Variants in TLL2 observed in about 807,000 individuals in gnomAD.
TLL2 encodes the protein tolloid-like protein 2.
A neutral mutation model predicts 123.0 loss-of-function variants in TLL2; 106 were observed. The observed-to-expected ratio is 0.86, with a 90% CI of 0.74 to 1.01. The LOEUF (loss-of-function observed/expected upper bound fraction) is 1.01. Among genes scored for constraint, TLL2 ranks in the 50% least tolerant of loss-of-function variants. The probability of loss-of-function intolerance (pLI) is 0.00; values close to 1 mark genes in which losing one functional copy is unlikely to be tolerated. For synonymous variants in TLL2, 494 were observed against 516.8 expected, an observed-to-expected ratio of 0.96 and a Z score of 0.60; for missense variants, 1,332 against 1,336.7, an observed-to-expected ratio of 1.00 and a Z score of 0.06.
chr10:96,428,787 T>A, intron 4 of TLL2, 39 bp from the exon 5 acceptor site: 1 of 1,333,308 alleles, frequency 7.5e-7, no homozygotes. Flanking sequence ...CAATGATGGG[T>A]CCATATTTTC....
chr10:96,433,390 G>A (rs954701992), intron 3 of TLL2, among the ~76,000 whole-genome samples: 2 of 152,144 alleles, frequency 1.3e-5, no homozygotes, highest in Non-Finnish European at 2.9e-5. Context: ...ACAACAAGGA[G>A]AGTGAACCTG....
chr10:96,443,638 C>T (rs576320010), intron 3 of TLL2, among the ~76,000 whole-genome samples: 95 of 152,272 alleles, frequency 6.2e-4, no homozygotes, highest in Non-Finnish European at 1.2e-3. Context: ...GGTCTTTATG[C>T]AACAATAAAT....
In TLL2 at chr10:96,373,644, A is replaced by C. The variant is rs747025457; in HGVS notation, c.2614T>G (p.Ser872Ala). The change falls in exon 19 of 21, where the codon TCG becomes GCG. Residue 872 changes from serine to alanine, a missense_variant. By Grantham distance (99) the Ser-to-Ala change is moderately conservative. Transcript: ENST00000357947. ...CCTTTCCTCTGCACTGAGGCATCCG[A>C]ATAAAACCTGAGAAACATACTGCTG... ...SGSSMFLRFY[S>A]DASVQRKGFQ... is the part of the protein sequence containing the mutation. 1.9e-6 allele frequency: 3 copies of C among 1,614,214 alleles called. No homozygotes were observed. In the South Asian group the frequency reaches 3.3e-5, roughly 18 times the overall value.
intron 2 of TLL2, among the ~76,000 whole-genome samples, chr10:96,454,558 A>G (rs1356253279): frequency 1.3e-5 from 2 of 152,172 alleles, no homozygotes; most frequent in Admixed American, 6.5e-5. Flanking sequence ...TTCACCTGGC[A>G]TCAAACCTCC....
intron 15 of TLL2, among the ~76,000 whole-genome samples, chr10:96,385,010 T>G (rs1846220513): frequency 6.6e-6 from 1 of 152,222 alleles, no homozygotes; most frequent in Non-Finnish European, 1.5e-5. Flanking sequence ...CTCCCAAACC[T>G]GCATCCCCGT....
rs764540784 is a variant in TLL2, at chr10:96,368,203, G to A, written c.2933C>T (p.Ser978Phe). Residue 978 changes from serine (S) to phenylalanine (F), a missense_variant, in exon 21 of 21, where the codon TCT becomes TTT. Coordinates refer to ENST00000357947, the MANE Select transcript of TLL2 (RefSeq NM_012465.4). ...TCGAATCATCAGGGAATCACCTGCA[G>A]AGTAGATTTCTTCTAATGGCTGAGG... The part of the protein sequence containing the change: ...CGSGPLEEIY[S>F]AGDSLMIRFR... 9.3e-6 allele frequency: 15 copies of A among 1,614,024 alleles called. No homozygotes were observed. Among genetic ancestry groups the A allele is most frequent in the Non-Finnish European group, 1.1e-5 (13 of 1,180,042 alleles).
chr10:96,476,240 A>ATATATATATATATATATATATATAT, intron 2 of TLL2, among the ~76,000 whole-genome samples: 3 of 20,498 alleles, frequency 1.5e-4, no homozygotes, highest in Admixed American at 5.2e-4. Flanking sequence ...ATATATATAT[A>ATATATATATATATATATATATATAT]TTTTATTTTT....
At chr10:96,381,148 C>T (rs948048881) in intron 16 of TLL2, among the ~76,000 whole-genome samples, 11 of 152,184 alleles carry the variant, frequency 7.2e-5, no homozygotes, top group African/African-American at 2.7e-4. Context: ...GTGGAGCTGC[C>T]CTGCCTGTGA....
At chr10:96,403,250 C>T (rs991538499) in intron 10 of TLL2, among the ~76,000 whole-genome samples, 1 of 152,182 alleles carries the variant, frequency 6.6e-6, no homozygotes, top group South Asian at 2.1e-4. Context: ...CTAACCTCCC[C>T]TGTCATCCAC....
Position 96,420,975 on chromosome 10 carries a change from C to T in TLL2, c.904G>A (p.Ala302Thr), listed in dbSNP as rs1402810225. The T allele has an allele frequency of 9.9e-6, 16 of 1,613,820 alleles. No individual in the cohort carries two copies. Among genetic ancestry groups the T allele is most frequent in the Non-Finnish European group, 1.2e-5 (14 of 1,179,944 alleles). ...TCCGACCTTGAGAAGGTGTTCCGGG[C>T]GTAGTGCATGATGCTGTCAAAGTCG... ...TYDFDSIMHY[A>T]RNTFSRGVFL... is the part of the protein sequence containing the mutation. The change falls in exon 7 of 21, where the codon GCC becomes ACC. Residue 302 changes from alanine to threonine, a missense_variant. Transcript: ENST00000357947.
intron 11 of TLL2, among the ~76,000 whole-genome samples, chr10:96,396,632 C>T (rs1564898243): frequency 6.9e-6 from 1 of 145,638 alleles, no homozygotes; most frequent in African/African-American, 2.6e-5. Flanking sequence ...GGGAATGAGC[C>T]AGAGAAGCTC....
intron 2 of TLL2, among the ~76,000 whole-genome samples, chr10:96,451,398 C>T (rs1182031755): frequency 6.6e-6 from 1 of 152,104 alleles, no homozygotes; most frequent in Non-Finnish European, 1.5e-5. Flanking sequence ...CTGTATACAC[C>T]CAAAGACATC....
At chr10:96,477,616 C>A (rs974674590) in intron 2 of TLL2, among the ~76,000 whole-genome samples, 1 of 152,176 alleles carries the variant, frequency 6.6e-6, no homozygotes, top group South Asian at 2.1e-4. Flanking sequence ...TTGTTATGTG[C>A]CAGGCACTGT....
intron 10 of TLL2, among the ~76,000 whole-genome samples, chr10:96,404,711 C>A (rs1846432587): frequency 6.6e-6 from 1 of 151,978 alleles, no homozygotes; most frequent in South Asian, 2.1e-4. Context: ...ATTTGCAATG[C>A]CTGCATTATA....
chr10:96,487,158 C>T (rs1847365021), intron 1 of TLL2, among the ~76,000 whole-genome samples: 1 of 152,174 alleles, frequency 6.6e-6, no homozygotes, highest in Non-Finnish European at 1.5e-5. Flanking sequence ...GCCATGGTTT[C>T]CTCATCTGGA....
intron 20 of TLL2, among the ~76,000 whole-genome samples, chr10:96,369,631 C>G (rs1419829596): frequency 6.6e-6 from 1 of 151,418 alleles, no homozygotes; most frequent in Non-Finnish European, 1.5e-5. Context: ...TGTGGTGGCG[C>G]ATGTCTGTAA....
intron 2 of TLL2, among the ~76,000 whole-genome samples, chr10:96,473,048 G>GCCC (rs11433390): frequency 3.5e-4 from 53 of 151,726 alleles, no homozygotes; most frequent in African/African-American, 1.2e-3. Flanking sequence ...GGTTCCATCA[G>GCCC]CCCCCCCCAA....
chr10:96,460,304 T>C (rs933928611), intron 2 of TLL2, among the ~76,000 whole-genome samples: 1 of 152,240 alleles, frequency 6.6e-6, no homozygotes, highest in Non-Finnish European at 1.5e-5. Flanking sequence ...GTAGATGCTA[T>C]ATATAGACTG....
chr10:96,406,295 G>T (rs144595978), intron 9 of TLL2, among the ~76,000 whole-genome samples: 31 of 152,196 alleles, frequency 2.0e-4, no homozygotes, highest in African/African-American at 7.0e-4. Flanking sequence ...ACTAAACCAG[G>T]TGCCTGTGGC....
Sources: allele counts gnomAD v4.1 joint callset (sites outside exome capture counted in the v4.1 genomes callset), GRCh38; gene constraint gnomAD v4.1.1; transcripts MANE v1.5; gene names NCBI Gene and HGNC (gene_info 2026-07-23, HGNC 2026-07-21).